The following BTF3L4 variants were observed in gnomAD, a reference collection of about 807,000 sequenced individuals.
BTF3L4 encodes transcription factor BTF3 homolog 4.
In BTF3L4, 6 loss-of-function variants were observed where a neutral mutation model predicts 16.8. The observed-to-expected ratio is 0.36, with a 90% CI of 0.20 to 0.71. The LOEUF (loss-of-function observed/expected upper bound fraction) is 0.71. Among genes scored for constraint, BTF3L4 ranks in the 30% least tolerant of loss-of-function variants. BTF3L4 has a pLI of 0.58. For missense variants in BTF3L4, 92 were observed against 186.9 expected (o/e 0.49, Z 2.96); for synonymous variants, 39 against 59.8 (o/e 0.65, Z 1.60).
chr1:52,085,918 C>T (rs1643967625), intron 4 of BTF3L4, among the ~76,000 whole-genome samples, 194 bp from the exon 5 acceptor site: 1 of 149,394 alleles, frequency 6.7e-6, no homozygotes, highest in African/African-American at 2.6e-5. Flanking sequence ...GCTGTGTTAT[C>T]AGTGTATTAA....
intron 3 of BTF3L4, among the ~76,000 whole-genome samples, chr1:52,066,616 G>A (rs1259372196): frequency 1.7e-4 from 25 of 151,368 alleles, no homozygotes; most frequent in Admixed American, 1.6e-3. Flanking sequence ...GGCCGAGGCG[G>A]GTGGATCACG....
intron 3 of BTF3L4, among the ~76,000 whole-genome samples, chr1:52,067,435 G>A (rs1270680850): frequency 6.6e-6 from 1 of 152,130 alleles, no homozygotes; most frequent in Non-Finnish European, 1.5e-5. Flanking sequence ...CTTTCAGCTT[G>A]ATGTGACTGT....
intron 3 of BTF3L4, among the ~76,000 whole-genome samples, chr1:52,068,095 C>G (rs1572023956): frequency 1.3e-5 from 2 of 152,136 alleles, no homozygotes; most frequent in East Asian, 3.8e-4. Flanking sequence ...ATTTGGAAGA[C>G]TTTATGCCTC....
rs1424009775 is a variant in BTF3L4 at position 52,080,914 on chromosome 1, A to G, written c.169-2426A>G. Reference sequence around the variant, plus strand: ...GAATGCAGTGGCACAATCTCAGCTCACTGCAACCTCTGACTCCCTGGTTCA... The same window carrying G: ...GAATGCAGTGGCACAATCTCAGCTCGCTGCAACCTCTGACTCCCTGGTTCA... On this transcript the variant is annotated intron_variant, in intron 3 of 5. Coordinates refer to ENST00000313334, the MANE Select transcript of BTF3L4 (RefSeq NM_152265.5). Among the ~76,000 whole-genome samples the G allele has an allele frequency of 8.6e-5, 12 of 139,424 alleles. No homozygotes were observed. The South Asian group carries it at 2.4e-3, about 28-fold the overall frequency. The allele number at this position is 139,424 out of a possible 152,430, so 91.5% of individuals were successfully genotyped here. A position where few individuals can be genotyped will look rare whatever the true frequency, so the allele number is the denominator to read the frequency against.
At position 52,086,177 on chromosome 1, in the gene BTF3L4, T is replaced by G. The variant is rs752639976; in HGVS notation, c.430+6T>G. The G allele has an allele frequency of 1.2e-6, 2 of 1,607,744 alleles. No homozygotes were observed. The highest frequency in any genetic ancestry group is 1.7e-5 in the Admixed American group (1 of 59,368). ...GGAAGATGATGATGTTCCAGGTAAG[T>G]GACATTTCCTTAGACTTAAGATTTT... On this transcript the variant is annotated splice_donor_region_variant and intron_variant, in intron 5 of 5. Transcript: ENST00000313334.
At chr1:52,082,824 A>G (rs1643936750) in intron 3 of BTF3L4, among the ~76,000 whole-genome samples, 1 of 152,110 alleles carries the variant, frequency 6.6e-6, no homozygotes, top group African/African-American at 2.4e-5. Context: ...TTATAAATGT[A>G]CTAAGTGCTT....
intron 3 of BTF3L4, among the ~76,000 whole-genome samples, chr1:52,077,594 A>G (rs1209774227): frequency 2.6e-5 from 4 of 152,208 alleles, no homozygotes; most frequent in African/African-American, 9.6e-5. Context: ...ATTCTCTTTT[A>G]TCATTCTCAG....
At chr1:52,067,626 CCT>C (rs1313371352) in intron 3 of BTF3L4, among the ~76,000 whole-genome samples, 3 of 152,152 alleles carry the variant, frequency 2.0e-5, no homozygotes, top group African/African-American at 7.2e-5. Flanking sequence ...TCCTTTCAAA[CCT>C]CTTTTTAAAA....
At chr1:52,058,800 A>G (rs1446989592) in intron 1 of BTF3L4, among the ~76,000 whole-genome samples, 1 of 152,078 alleles carries the variant, frequency 6.6e-6, no homozygotes, top group Non-Finnish European at 1.5e-5. Flanking sequence ...AGGTTTCTCC[A>G]TGTTGGTCAG....
intron 2 of BTF3L4, among the ~76,000 whole-genome samples, chr1:52,064,470 A>G (rs1487381441): frequency 6.6e-6 from 1 of 152,236 alleles, no homozygotes; most frequent in Non-Finnish European, 1.5e-5. Flanking sequence ...TAGTTACTAT[A>G]AGAAAAGATA....
At position 52,083,555 on chromosome 1, in the gene BTF3L4, T is replaced by G. The variant is rs1484035108; in HGVS notation, c.370+14T>G. 6.2e-7 allele frequency: 1 copy of G among 1,604,320 alleles called. No individual in the cohort carries two copies. Among genetic ancestry groups the G allele is most frequent in the Non-Finnish European group, 8.5e-7 (1 of 1,172,162 alleles). On this transcript the variant is annotated intron_variant, in intron 4 of 5. Transcript: ENST00000313334. The stretch of plus-strand genomic sequence containing the variant: ...TCCCACGGCAAGGTAGGTATTTCAA[T>G]TTAGTAAATCTTTCTCTCCCCACCT...
chr1:52,061,372 C>T (rs1039663550), intron 2 of BTF3L4, among the ~76,000 whole-genome samples: 1 of 151,140 alleles, frequency 6.6e-6, no homozygotes, highest in Non-Finnish European at 1.5e-5. Context: ...CGTGTAGTCC[C>T]AGCTACTTGG....
intron 3 of BTF3L4, chr1:52,071,218 C>G (rs1033032760): frequency 6.6e-6 from 1 of 152,056 alleles, no homozygotes; most frequent in African/African-American, 2.4e-5. Context: ...ATTCAGATGC[C>G]CTAATTGTTC....
intron 4 of BTF3L4, among the ~76,000 whole-genome samples, chr1:52,085,355 T>G (rs1230757482): frequency 6.6e-6 from 1 of 151,320 alleles, no homozygotes; most frequent in East Asian, 1.9e-4. Flanking sequence ...GCTTGGTTTT[T>G]TTTGTTTGTT....
At position 52,064,270 on chromosome 1, in the gene BTF3L4, C is replaced by G. The variant is rs575483040; in HGVS notation, c.55-555C>G. ...CCTTCTAATAAAGTATTGCTTTGCC[C>G]CTACTTAGTCATTCTTGCTGTGCTC... is the stretch of plus-strand genomic sequence containing the variant. On this transcript the variant is annotated intron_variant, in intron 2 of 5. Coordinates refer to ENST00000313334, the MANE Select transcript of BTF3L4 (RefSeq NM_152265.5). 4.2e-3 allele frequency among the ~76,000 whole-genome samples: 636 copies of G among 152,246 alleles called. 1 individual carries two copies. The highest frequency in any genetic ancestry group is 6.1e-3 in the Non-Finnish European group (416 of 68,022).
chr1:52,086,481 C>T (rs1243894528), intron 5 of BTF3L4: 3 of 481,760 alleles, frequency 6.2e-6, no homozygotes, highest in South Asian at 3.9e-5. Context: ...CTATTCACCT[C>T]AGTAATTTGC....
intron 3 of BTF3L4, among the ~76,000 whole-genome samples, chr1:52,082,075 T>C (rs1022134474): frequency 1.3e-5 from 2 of 152,310 alleles, no homozygotes; most frequent in African/African-American, 4.8e-5. Flanking sequence ...TTTTATATAG[T>C]AAGCATGTTA....
chr1:52,073,689 CAAAAAAAAAAAAAA>C lies in BTF3L4; in HGVS notation c.168+8766_168+8779del, dbSNP rs57529132. Among the ~76,000 whole-genome samples, 128 of 67,658 alleles carry C rather than the reference CAAAAAAAAAAAAAA, an allele frequency of 1.9e-3. 2 individuals carry two copies. Among genetic ancestry groups the C allele is most frequent in the African/African-American group, 8.0e-3 (117 of 14,570 alleles). The allele number at this position is 67,658 out of a possible 152,430, so 44.4% of individuals were successfully genotyped here. A position where few individuals can be genotyped will look rare whatever the true frequency, so the allele number is the denominator to read the frequency against. On this transcript the variant is annotated intron_variant, in intron 3 of 5. Coordinates refer to ENST00000313334, the MANE Select transcript of BTF3L4 (RefSeq NM_152265.5). ...GTAACATCGTGAGATGCTGTCTCTA[CAAAAAAAAAAAAAA>C]AAAAAAAAAAAAAAGGCCAGGCTGG...
At chr1:52,081,563 A>C (rs1451416221) in intron 3 of BTF3L4, among the ~76,000 whole-genome samples, 2 of 152,222 alleles carry the variant, frequency 1.3e-5, no homozygotes, top group Non-Finnish European at 2.9e-5. Context: ...ATCCACTGTC[A>C]TCCTTCTCGA....
Sources: allele counts gnomAD v4.1 joint callset (sites outside exome capture counted in the v4.1 genomes callset), GRCh38; gene constraint gnomAD v4.1.1; transcripts MANE v1.5; gene names NCBI Gene and HGNC (gene_info 2026-07-23, HGNC 2026-07-21).